ATP9B: variants seen among roughly 807,000 people sequenced by gnomAD.
ATP9B encodes the protein probable phospholipid-transporting ATPase IIB.
ATP9B carries 110 observed loss-of-function variants against 146.1 expected under a neutral mutation model. The observed-to-expected ratio is 0.75, with a 90% CI of 0.65 to 0.88. ATP9B has a LOEUF of 0.88. Among genes scored for constraint, ATP9B ranks in the 40% least tolerant of loss-of-function variants. The pLI is 0.00. For missense variants in ATP9B, 1,499 were observed against 1,496.4 expected (o/e 1.00, Z -0.03); for synonymous variants, 604 against 569.7 (o/e 1.06, Z -0.86).
intron 11 of ATP9B, among the ~76,000 whole-genome samples, chr18:79,243,805 CA>C (rs2144764536): frequency 6.6e-6 from 1 of 152,290 alleles, no homozygotes; most frequent in East Asian, 1.9e-4. Context: ...TTAATGAAAC[CA>C]GACTTTCTGG....
At chr18:79,340,213 T>C (rs2096850962) in intron 19 of ATP9B, 1 of 152,238 alleles carries the variant, frequency 6.6e-6, no homozygotes. Flanking sequence ...GTAGTGAATA[T>C]CCCTTGCATT....
intron 7 of ATP9B, chr18:79,173,638 T>TG (rs527422496): frequency 6.8e-4 from 306 of 450,382 alleles, no homozygotes; most frequent in Non-Finnish European, 1.0e-3. Flanking sequence ...ACTTGTATGT[T>TG]GGGGGGACTC....
At chr18:79,187,624 G>A (rs955587701) in intron 8 of ATP9B, among the ~76,000 whole-genome samples, 19 of 152,178 alleles carry the variant, frequency 1.2e-4, no homozygotes, top group Non-Finnish European at 1.9e-4. Context: ...CCCGTTGAGT[G>A]TCTGATTCCC....
intron 8 of ATP9B, among the ~76,000 whole-genome samples, chr18:79,181,002 G>A (rs901130977): frequency 3.3e-5 from 5 of 151,626 alleles, no homozygotes; most frequent in African/African-American, 1.2e-4. Flanking sequence ...GTGGAGACGG[G>A]GTTTCACCAT....
rs1387239185 is a variant in ATP9B, at chr18:79,318,032, G to T, written c.1773+10798G>T. ...ATGAGCAGCAAAGTCAGTTGTACTG[G>T]ATTATAGCCCATAGTATGAAACAAA... is the stretch of plus-strand genomic sequence containing the variant. On this transcript the variant is annotated intron_variant, in intron 15 of 29. Coordinates refer to ENST00000426216, the MANE Select transcript of ATP9B (RefSeq NM_198531.5). 4.6e-5 allele frequency among the ~76,000 whole-genome samples: 7 copies of T among 152,254 alleles called. No individual in the cohort carries two copies. In the East Asian group the frequency reaches 1.3e-3, roughly 29 times the overall value.
chr18:79,140,830 C>A (rs1281709720), intron 5 of ATP9B, among the ~76,000 whole-genome samples: 2 of 152,050 alleles, frequency 1.3e-5, no homozygotes, highest in Admixed American at 1.3e-4. Flanking sequence ...ACATTTGGAT[C>A]TTTCTCAGAG....
intron 4 of ATP9B, among the ~76,000 whole-genome samples, chr18:79,120,073 A>C (rs1372341569): frequency 1.3e-5 from 2 of 152,220 alleles, no homozygotes; most frequent in African/African-American, 4.8e-5. Context: ...TAACTGAAGA[A>C]AATGTTCTTC....
At chr18:79,109,143 G>T (rs903809941) in intron 2 of ATP9B, among the ~76,000 whole-genome samples, 3 of 152,150 alleles carry the variant, frequency 2.0e-5, no homozygotes, top group Non-Finnish European at 4.4e-5. Context: ...GACTTATACG[G>T]CAGGCTTTCT....
chr18:79,224,292 G>A (rs2095708566), intron 11 of ATP9B, among the ~76,000 whole-genome samples: 1 of 152,144 alleles, frequency 6.6e-6, no homozygotes, highest in Non-Finnish European at 1.5e-5. Flanking sequence ...GACATTTCCT[G>A]CAAAACTAAG....
Position 79,193,250 on chromosome 18 carries a change from G to C in ATP9B, c.941G>C (p.Gly314Ala). The C allele has an allele frequency of 1.9e-6, 3 of 1,609,100 alleles. No homozygotes were observed. Among genetic ancestry groups the C allele is most frequent in the Non-Finnish European group, 2.6e-6 (3 of 1,175,636 alleles). ...CAAATGGACATTCACAGTTTCGAAG[G>C]CACATTTACCAGGGTAAGTTAAACC... Reference protein sequence around the residue: ...KPQMDIHSFEGTFTREDSDPP... With the variant: ...KPQMDIHSFEATFTREDSDPP... The change falls in exon 9 of 30, where the codon GGC becomes GCC. Residue 314 changes from glycine to alanine, a missense_variant. By Grantham distance (60) the Gly-to-Ala change is moderately conservative. Coordinates refer to ENST00000426216, the MANE Select transcript of ATP9B (RefSeq NM_198531.5).
intron 8 of ATP9B, among the ~76,000 whole-genome samples, chr18:79,178,761 G>A (rs548042370): frequency 6.6e-6 from 1 of 152,216 alleles, no homozygotes; most frequent in African/African-American, 2.4e-5. Flanking sequence ...CACGGTATTT[G>A]ATATGCTGAT....
Position 79,307,086 on chromosome 18 carries a change from A to T in ATP9B, c.1625A>T (p.His542Leu). The change falls in exon 15 of 30, where the codon CAT (histidine) becomes CTT (leucine). Residue 542 changes from histidine to leucine, a missense_variant. His to Leu is a moderately conservative substitution (Grantham distance 99, BLOSUM62 -3). Transcript: ENST00000426216. ...KVRKSVSSRI[H>L]EAVKAIVLCH... ...AGGAAAAGTGTCAGTAGTCGAATCCATGAAGCCGTGAAAGCCATCGTGCTG... is the reference window on the plus strand; with the variant it reads ...AGGAAAAGTGTCAGTAGTCGAATCCTTGAAGCCGTGAAAGCCATCGTGCTG... 1 of 1,614,244 alleles carries T rather than the reference A, an allele frequency of 6.2e-7. No homozygotes were observed. The highest frequency in any genetic ancestry group is 8.5e-7 in the Non-Finnish European group (1 of 1,180,054).
At chr18:79,195,792 G>A (rs2095412541) in intron 9 of ATP9B, among the ~76,000 whole-genome samples, 1 of 152,188 alleles carries the variant, frequency 6.6e-6, no homozygotes, top group African/African-American at 2.4e-5. Context: ...AGGTTGTAAA[G>A]AAGAGAGTCA....
chr18:79,224,031 A>C (rs2095705983), intron 11 of ATP9B, among the ~76,000 whole-genome samples: 2 of 152,210 alleles, frequency 1.3e-5, no homozygotes, highest in Admixed American at 1.3e-4. Flanking sequence ...GCTTTACATA[A>C]AGTTCTGAAT....
At chr18:79,168,052 G>A (rs1313605615) in intron 7 of ATP9B, among the ~76,000 whole-genome samples, 4 of 152,194 alleles carry the variant, frequency 2.6e-5, no homozygotes, top group Admixed American at 2.6e-4. Context: ...AAGGGGATGG[G>A]GATCCTGCCA....
chr18:79,322,126 G>A (rs143929711), intron 15 of ATP9B, among the ~76,000 whole-genome samples: 206 of 152,262 alleles, frequency 1.4e-3, no homozygotes, highest in African/African-American at 4.8e-3. Flanking sequence ...AATGTGGAGT[G>A]TATCGCTGAT....
chr18:79,076,361 T>A (rs2072614607), intron 1 of ATP9B, among the ~76,000 whole-genome samples: 1 of 152,244 alleles, frequency 6.6e-6, no homozygotes, highest in South Asian at 2.1e-4. Flanking sequence ...ATTCTCTTTG[T>A]TTTCCTTCAT....
At chr18:79,218,673 C>T (rs2095651167) in intron 11 of ATP9B, among the ~76,000 whole-genome samples, 1 of 152,234 alleles carries the variant, frequency 6.6e-6, no homozygotes, top group African/African-American at 2.4e-5. Context: ...CTGACAGCTC[C>T]TGTTGGTCAT....
Position 79,259,190 on chromosome 18 carries a change from C to T in ATP9B, c.1268+5649C>T, listed in dbSNP as rs149668868. ...CAGAGGAAAATATTATAGTATTTAA[C>T]GTTGACTTTTGTAATTCTAAAATTC... On this transcript the variant is annotated intron_variant, in intron 12 of 29. Transcript: ENST00000426216. 7.5e-3 allele frequency among the ~76,000 whole-genome samples: 1,136 copies of T among 152,242 alleles called. 19 individuals carry two copies. The highest frequency in any genetic ancestry group is 0.026 in the African/African-American group (1,086 of 41,538).
Sources: gnomAD v4.1 joint callset for allele counts (sites outside exome capture counted in the v4.1 genomes callset) on GRCh38, gnomAD v4.1.1 for gene constraint, MANE v1.5 for transcripts, NCBI Gene and HGNC (gene_info 2026-07-23, HGNC 2026-07-21) for gene names.